GALNT18: variants seen among roughly 807,000 people sequenced by gnomAD.
GALNT18 encodes the protein GalNAc-transferase 18.
A neutral mutation model predicts 69.5 loss-of-function variants in GALNT18; 44 were observed. The observed-to-expected ratio is 0.63, with a 90% CI of 0.50 to 0.81. The LOEUF (loss-of-function observed/expected upper bound fraction) is 0.81, where lower values mean the gene tolerates loss of function less well. Among genes scored for constraint, GALNT18 ranks in the 40% least tolerant of loss-of-function variants. GALNT18 has a pLI of 0.00. For missense variants in GALNT18, 715 were observed against 810.0 expected, an observed-to-expected ratio of 0.88 and a Z score of 1.42; for synonymous variants, 364 against 318.2, an observed-to-expected ratio of 1.14 and a Z score of -1.53.
intron 2 of GALNT18, among the ~76,000 whole-genome samples, chr11:11,446,726 G>C (rs909993839): frequency 1.3e-5 from 2 of 152,096 alleles, no homozygotes; most frequent in African/African-American, 4.8e-5. Context: ...TTGCCCCCTC[G>C]GTCTGTTCTC....
rs1483640487 is a variant in GALNT18, at chr11:11,584,135, C to T, written c.235+37224G>A. Reference sequence around the variant, plus strand: ...AAGTAAAAAGGGGAAGTAGAAGAAGCGGCCCCTGAGATTCCAGGGAACTTG... The same window carrying T: ...AAGTAAAAAGGGGAAGTAGAAGAAGTGGCCCCTGAGATTCCAGGGAACTTG... On this transcript the variant is annotated intron_variant, in intron 1 of 10. Transcript: ENST00000227756. The surrounding 1 kb of genome is among the most constrained non-coding windows in gnomAD (Gnocchi z 4.1). Among the ~76,000 whole-genome samples, 3 of 151,990 alleles carry T rather than the reference C, an allele frequency of 2.0e-5. No individual in the cohort carries two copies. Among genetic ancestry groups the T allele is most frequent in the East Asian group, 1.9e-4 (1 of 5,156 alleles).
At chr11:11,610,448 A>G (rs1458362402) in intron 1 of GALNT18, among the ~76,000 whole-genome samples, 3 of 152,196 alleles carry the variant, frequency 2.0e-5, no homozygotes, top group African/African-American at 7.2e-5. Flanking sequence ...AGTATTTAGC[A>G]CATCACAGGT....
rs1222438875 is a variant in GALNT18 at position 11,315,038 on chromosome 11, A to G, written c.1512+12048T>C. On this transcript the variant is annotated intron_variant, in intron 9 of 10. Transcript: ENST00000227756. The surrounding 1 kb of genome is among the most constrained non-coding windows in gnomAD (Gnocchi z 5.6). ...GCAGAGATGGACACATACTAATTAT[A>G]TGTGTGTGTGTGTGTGTGTGTGTGT... Among the ~76,000 whole-genome samples, 8 of 150,094 alleles carry G rather than the reference A, an allele frequency of 5.3e-5. No homozygotes were observed. The highest frequency in any genetic ancestry group is 2.0e-4 in the East Asian group (1 of 5,088).
Position 11,543,857 on chromosome 11 carries a change from C to T in GALNT18, c.235+77502G>A, listed in dbSNP as rs551429942. 2.0e-5 allele frequency among the ~76,000 whole-genome samples: 3 copies of T among 152,162 alleles called. No homozygotes were observed. Among genetic ancestry groups the T allele is most frequent in the African/African-American group, 7.2e-5 (3 of 41,434 alleles). ...CTGGCGCTCTGGGCTCCAATGGCTT[C>T]TGGTAATATTTGCTCTTCCTCACAC... On this transcript the variant is annotated intron_variant, in intron 1 of 10. Transcript: ENST00000227756. This position sits in a 1 kb window ranked among gnomAD's most constrained non-coding sequence, Gnocchi z 5.1.
At chr11:11,292,519 C>A (rs1418219077) in intron 10 of GALNT18, among the ~76,000 whole-genome samples, 1 of 152,186 alleles carries the variant, frequency 6.6e-6, no homozygotes, top group African/African-American at 2.4e-5. Flanking sequence ...CCTCTTCTCC[C>A]AGAGTGACCC....
At position 11,380,220 on chromosome 11, in the gene GALNT18, T is replaced by G. The variant is rs147587256; in HGVS notation, c.596-956A>C. 1.5e-3 allele frequency among the ~76,000 whole-genome samples: 236 copies of G among 152,292 alleles called. 1 individual carries two copies. The highest frequency in any genetic ancestry group is 5.2e-3 in the African/African-American group (217 of 41,576). ...CTCCAAATGCCAGGGTCCCTCAATC[T>G]TACATTCATGAGTCCAATGGGACCT... On this transcript the variant is annotated intron_variant, in intron 3 of 10. Coordinates refer to ENST00000227756, the MANE Select transcript of GALNT18 (RefSeq NM_198516.3).
At chr11:11,386,258 G>A (rs1047843045) in intron 3 of GALNT18, among the ~76,000 whole-genome samples, 6 of 152,156 alleles carry the variant, frequency 3.9e-5, no homozygotes, top group African/African-American at 1.4e-4. Flanking sequence ...GGATGATAGA[G>A]TCCAGGTCCC....
chr11:11,300,559 C>T (rs755512797), intron 9 of GALNT18, among the ~76,000 whole-genome samples: 3 of 152,132 alleles, frequency 2.0e-5, no homozygotes, highest in Non-Finnish European at 4.4e-5. Context: ...GGGGACATAA[C>T]AGGGGAGTGT....
intron 10 of GALNT18, among the ~76,000 whole-genome samples, chr11:11,276,323 G>C (rs1285252348): frequency 2.0e-5 from 3 of 147,474 alleles, no homozygotes; most frequent in African/African-American, 4.9e-5. Flanking sequence ...TCATGATTTG[G>C]CTGTTTGTCT....
rs1026882761 is a variant in GALNT18, at chr11:11,541,824, C to T, written c.235+79535G>A. Among the ~76,000 whole-genome samples, 1 of 152,168 alleles carries T rather than the reference C, an allele frequency of 6.6e-6. No homozygotes were observed. Among genetic ancestry groups the T allele is most frequent in the Non-Finnish European group, 1.5e-5 (1 of 68,028 alleles). ...CGTGAGCCTAGGGCACAAGCCAAGC[C>T]CAGAAGCCTCTCCCGAAGAGTGAGC... is the stretch of plus-strand genomic sequence containing the variant. On this transcript the variant is annotated intron_variant, in intron 1 of 10. Transcript: ENST00000227756. This position sits in a 1 kb window ranked among gnomAD's most constrained non-coding sequence, Gnocchi z 4.8.
chr11:11,568,579 C>T (rs945551943), intron 1 of GALNT18, among the ~76,000 whole-genome samples: 2 of 152,112 alleles, frequency 1.3e-5, no homozygotes, highest in African/African-American at 4.8e-5. Flanking sequence ...CCCCCTTTTC[C>T]TCTCCTGGGG....
rs1187355727 is a variant in GALNT18 at position 11,463,183 on chromosome 11, G to C, written c.236-14247C>G. Among the ~76,000 whole-genome samples, 2 of 147,984 alleles carry C rather than the reference G, an allele frequency of 1.4e-5. No homozygotes were observed. Among genetic ancestry groups the C allele is most frequent in the African/African-American group, 5.0e-5 (2 of 39,798 alleles). On this transcript the variant is annotated intron_variant, in intron 1 of 10. Coordinates refer to ENST00000227756, the MANE Select transcript of GALNT18 (RefSeq NM_198516.3). This position sits in a 1 kb window ranked among gnomAD's most constrained non-coding sequence, Gnocchi z 4.2. ...ATCACTGGCTGTATCCTCACACATGGACATACACACTCAGACAGACAGACA... is the reference window on the plus strand; with the variant it reads ...ATCACTGGCTGTATCCTCACACATGCACATACACACTCAGACAGACAGACA...
At chr11:11,527,443 C>T (rs919885373) in intron 1 of GALNT18, among the ~76,000 whole-genome samples, 2 of 152,116 alleles carry the variant, frequency 1.3e-5, no homozygotes, top group African/African-American at 2.4e-5. Context: ...ATTATTCTTA[C>T]GTGGTTCTGC....
intron 3 of GALNT18, among the ~76,000 whole-genome samples, chr11:11,427,499 C>T (rs964311018): frequency 2.6e-5 from 4 of 152,134 alleles, no homozygotes; most frequent in Non-Finnish European, 5.9e-5. Flanking sequence ...CGGCTCTGCT[C>T]GGCTGAGTAA....
chr11:11,352,782 A>G, intron 6 of GALNT18: 2 of 1,614,194 alleles, frequency 1.2e-6, no homozygotes, highest in Non-Finnish European at 1.7e-6. Context: ...TACGTGTTCA[A>G]AAACCAAGGC....
intron 6 of GALNT18, among the ~76,000 whole-genome samples, chr11:11,351,316 G>T (rs1337453637): frequency 6.6e-6 from 1 of 152,232 alleles, no homozygotes; most frequent in African/African-American, 2.4e-5. Flanking sequence ...AAGCTAGCCA[G>T]GGTGGTAGAG....
intron 6 of GALNT18, among the ~76,000 whole-genome samples, chr11:11,343,712 TG>T (rs1850251054): frequency 6.6e-6 from 1 of 152,184 alleles, no homozygotes; most frequent in East Asian, 1.9e-4. Context: ...TTTTTGCCAC[TG>T]GAACAGTGGC....
At chr11:11,349,223 G>A (rs779696882) in intron 6 of GALNT18, among the ~76,000 whole-genome samples, 6 of 152,120 alleles carry the variant, frequency 3.9e-5, no homozygotes, top group African/African-American at 1.4e-4. Context: ...CGACAGTCTT[G>A]TTTCCGGTAT....
At chr11:11,575,592 A>T (rs1858906074) in intron 1 of GALNT18, among the ~76,000 whole-genome samples, 1 of 152,202 alleles carries the variant, frequency 6.6e-6, no homozygotes, top group Non-Finnish European at 1.5e-5. Context: ...GCAAACGTTG[A>T]ATTGAGTTCT....
Sources: allele counts gnomAD v4.1 joint callset (sites outside exome capture counted in the v4.1 genomes callset), GRCh38; gene constraint gnomAD v4.1.1; non-coding constraint Gnocchi (gnomAD v3.1); transcripts MANE v1.5; gene names NCBI Gene and HGNC (gene_info 2026-07-23, HGNC 2026-07-21).